Variants in ASCC3 observed in about 807,000 individuals in gnomAD.
The protein encoded by ASCC3 is activating signal cointegrator 1 complex subunit 3.
Under a neutral mutation model 256.3 loss-of-function variants are expected in ASCC3, and 158 were observed. The observed-to-expected ratio is 0.62, with a 90% CI of 0.54 to 0.70. The LOEUF (loss-of-function observed/expected upper bound fraction) is 0.70, where lower values mean the gene tolerates loss of function less well. Among genes scored for constraint, ASCC3 ranks in the 30% least tolerant of loss-of-function variants. The pLI, the probability that ASCC3 is intolerant of heterozygous loss-of-function variation, is 0.00. For synonymous variants in ASCC3, 948 were observed against 883.4 expected, an observed-to-expected ratio of 1.07 and a Z score of -1.30; for missense variants, 2,259 against 2,626.0, an observed-to-expected ratio of 0.86 and a Z score of 3.05.
At chr6:100,681,555 C>G (rs111717607) in intron 13 of ASCC3, among the ~76,000 whole-genome samples, 3 of 151,518 alleles carry the variant, frequency 2.0e-5, no homozygotes, top group Non-Finnish European at 2.9e-5. Flanking sequence ...GGTGAAACCC[C>G]GTCTCTACTA....
At chr6:100,872,572 C>T (rs986559409) in intron 1 of ASCC3, among the ~76,000 whole-genome samples, 4 of 151,984 alleles carry the variant, frequency 2.6e-5, no homozygotes, top group Non-Finnish European at 5.9e-5. Flanking sequence ...TCCAGAATGA[C>T]GGCAGGAATA....
chr6:100,776,421 T>C (rs1782190451), intron 8 of ASCC3, among the ~76,000 whole-genome samples: 1 of 152,094 alleles, frequency 6.6e-6, no homozygotes, highest in Admixed American at 6.5e-5. Flanking sequence ...TTTTAAGTGT[T>C]ACAAGCTTCA....
chr6:100,573,800 A>G (rs987350611), intron 36 of ASCC3, among the ~76,000 whole-genome samples: 1 of 152,194 alleles, frequency 6.6e-6, no homozygotes, highest in Non-Finnish European at 1.5e-5. Flanking sequence ...TCTGGAAAGT[A>G]AAATACCATG....
intron 14 of ASCC3, among the ~76,000 whole-genome samples, chr6:100,671,541 G>C (rs1776746489): frequency 6.6e-6 from 1 of 152,020 alleles, no homozygotes. Context: ...TGTAGTTTCA[G>C]AACTGTCTAA....
At chr6:100,775,019 C>T (rs1198162588) in intron 8 of ASCC3, among the ~76,000 whole-genome samples, 1 of 152,022 alleles carries the variant, frequency 6.6e-6, no homozygotes, top group Non-Finnish European at 1.5e-5. Context: ...AGGCCAAGAG[C>T]AGACTACAAA....
intron 10 of ASCC3, among the ~76,000 whole-genome samples, 198 bp from the exon 11 acceptor site, chr6:100,725,901 C>T (rs553480946): frequency 1.2e-4 from 18 of 151,150 alleles, no homozygotes; most frequent in African/African-American, 3.9e-4. Context: ...TGATACTAGG[C>T]AGTTTAAGCT....
chr6:100,807,322 T>C (rs1164555491), intron 4 of ASCC3, among the ~76,000 whole-genome samples: 3 of 111,252 alleles, frequency 2.7e-5, no homozygotes, highest in African/African-American at 1.0e-4. Context: ...AAAAAAGATA[T>C]TAATAATATG....
At chr6:100,521,803 A>T (rs959781169) in intron 37 of ASCC3, among the ~76,000 whole-genome samples, 6 of 152,212 alleles carry the variant, frequency 3.9e-5, no homozygotes, top group African/African-American at 1.4e-4. Flanking sequence ...AGGCAAATGG[A>T]TTGGAGAGTC....
At chr6:100,643,548 A>C (rs1215822373) in intron 23 of ASCC3, among the ~76,000 whole-genome samples, 1 of 152,158 alleles carries the variant, frequency 6.6e-6, no homozygotes, top group African/African-American at 2.4e-5. Context: ...TAAGAACATC[A>C]TAGTGTACGT....
intron 38 of ASCC3, among the ~76,000 whole-genome samples, chr6:100,517,179 A>G (rs944578222): frequency 2.0e-5 from 3 of 151,892 alleles, no homozygotes; most frequent in African/African-American, 7.3e-5. Context: ...ATTTAAGTCA[A>G]ATTGAGGGAC....
intron 8 of ASCC3, among the ~76,000 whole-genome samples, chr6:100,783,337 T>G (rs1479504134): frequency 1.3e-5 from 2 of 152,182 alleles, no homozygotes; most frequent in African/African-American, 4.8e-5. Flanking sequence ...AAGTGTTCTT[T>G]CTACCTCCAA....
At chr6:100,748,803 T>G (rs966735565) in intron 10 of ASCC3, among the ~76,000 whole-genome samples, 5 of 152,016 alleles carry the variant, frequency 3.3e-5, no homozygotes, top group South Asian at 4.1e-4. Flanking sequence ...CTTTCATGAC[T>G]GGAGAAAAAG....
At chr6:100,514,981 C>T (rs1195825712) in intron 39 of ASCC3, among the ~76,000 whole-genome samples, 1 of 152,174 alleles carries the variant, frequency 6.6e-6, no homozygotes, top group Non-Finnish European at 1.5e-5. Flanking sequence ...AATTGAAGCA[C>T]TTTTGAGCCA....
At chr6:100,548,246 C>A (rs2114679027) in intron 36 of ASCC3, among the ~76,000 whole-genome samples, 1 of 151,866 alleles carries the variant, frequency 6.6e-6, no homozygotes, top group Middle Eastern at 3.4e-3. Context: ...AACGATGGAA[C>A]CCCTTAGAGA....
At chr6:100,709,154 T>C (rs1413383422) in intron 13 of ASCC3, among the ~76,000 whole-genome samples, 1 of 152,188 alleles carries the variant, frequency 6.6e-6, no homozygotes, top group Non-Finnish European at 1.5e-5. Flanking sequence ...TTTTAATTCA[T>C]TGGGTATACA....
intron 4 of ASCC3, among the ~76,000 whole-genome samples, chr6:100,838,317 T>C (rs2114478146): frequency 6.6e-6 from 1 of 152,192 alleles, no homozygotes; most frequent in African/African-American, 2.4e-5. Flanking sequence ...ACAGTTCATA[T>C]GGATCTGAAT....
rs148616762 is a variant in ASCC3, at chr6:100,738,069, T to C, written c.1738-12366A>G. On this transcript the variant is annotated intron_variant, in intron 10 of 41. Transcript: ENST00000369162. ...GTCCTTTGCCCACTTTTTAATAAGG[T>C]TTTTTTTCTTGTAAATTTGTTTGAG... 3.4e-3 allele frequency among the ~76,000 whole-genome samples: 522 copies of C among 151,954 alleles called. 3 individuals carry two copies. Among genetic ancestry groups the C allele is most frequent in the African/African-American group, 0.012 (498 of 41,482 alleles).
intron 8 of ASCC3, among the ~76,000 whole-genome samples, chr6:100,790,463 G>A (rs1048124444): frequency 6.6e-6 from 1 of 151,856 alleles, no homozygotes; most frequent in African/African-American, 2.4e-5. Flanking sequence ...CAATACATAT[G>A]TACTTTCAAA....
chr6:100,624,426 TTAAGG>T (rs938627480), intron 30 of ASCC3, among the ~76,000 whole-genome samples: 45 of 151,780 alleles, frequency 3.0e-4, no homozygotes, highest in African/African-American at 9.2e-4. Flanking sequence ...AAGGCATACA[TTAAGG>T]TAAGATAATA....
Sources: gnomAD v4.1 joint callset for allele counts (sites outside exome capture counted in the v4.1 genomes callset) on GRCh38, gnomAD v4.1.1 for gene constraint, MANE v1.5 for transcripts, NCBI Gene and HGNC (gene_info 2026-07-23, HGNC 2026-07-21) for gene names.